STX8: variants seen among roughly 807,000 people sequenced by gnomAD.
STX8 encodes the protein syntaxin 8.
In STX8, 23 loss-of-function variants were observed where a neutral mutation model predicts 37.5. That is an observed-to-expected ratio of 0.61 (90% CI 0.44 to 0.87). STX8 has a LOEUF of 0.87. Among genes scored for constraint, STX8 ranks in the 40% least tolerant of loss-of-function variants. The probability of loss-of-function intolerance (pLI) is 0.00; values close to 1 mark genes in which losing one functional copy is unlikely to be tolerated. For synonymous variants in STX8, 115 were observed against 99.1 expected, an observed-to-expected ratio of 1.16 and a Z score of -0.95; for missense variants, 313 against 284.7, an observed-to-expected ratio of 1.10 and a Z score of -0.71.
chr17:9,567,794 C>A (rs1052756352), intron 2 of STX8, among the ~76,000 whole-genome samples: 1 of 152,192 alleles, frequency 6.6e-6, no homozygotes. Context: ...TCAAGCAATT[C>A]TCCTGCCTCA....
chr17:9,381,246 GT>G (rs11421158), intron 6 of STX8, among the ~76,000 whole-genome samples: 133 of 142,952 alleles, frequency 9.3e-4, no homozygotes, highest in African/African-American at 1.6e-3. Context: ...TTTTCATTTT[GT>G]TTTTTTTTTT....
intron 7 of STX8, among the ~76,000 whole-genome samples, chr17:9,373,280 C>CA (rs1210117654): frequency 2.6e-5 from 4 of 151,894 alleles, no homozygotes; most frequent in African/African-American, 7.3e-5. Flanking sequence ...TATATATACA[C>CA]AAAAAAGGAA....
chr17:9,386,852 A>ATTTCTTTTTC, intron 6 of STX8, among the ~76,000 whole-genome samples: 1 of 152,092 alleles, frequency 6.6e-6, no homozygotes, highest in African/African-American at 2.4e-5. Context: ...TACCTTAGGT[A>ATTTCTTTTTC]TTTCTTTTTC....
At chr17:9,391,118 A>T (rs988716994) in intron 6 of STX8, among the ~76,000 whole-genome samples, 1 of 152,166 alleles carries the variant, frequency 6.6e-6, no homozygotes, top group African/African-American at 2.4e-5. Context: ...AACAGATGCC[A>T]AAGTATATAG....
At chr17:9,340,935 G>A (rs1349304218) in intron 7 of STX8, among the ~76,000 whole-genome samples, 1 of 149,236 alleles carries the variant, frequency 6.7e-6, no homozygotes, top group African/African-American at 2.4e-5. Context: ...GGGATTACAG[G>A]CGTGGGCCAC....
At position 9,385,780 on chromosome 17, in the gene STX8, G is replaced by GT. The variant is rs1911979449; in HGVS notation, c.542-7128dup. Among the ~76,000 whole-genome samples, 3 of 151,932 alleles carry GT rather than the reference G, an allele frequency of 2.0e-5. No homozygotes were observed. The South Asian group carries it at 6.2e-4, about 31-fold the overall frequency. ...TTTACTCCTAGGTTTTTTGTTTTTT[G>GT]TTTTTTGAGGTGGCATCTTGCTCTA... On this transcript the variant is annotated intron_variant, in intron 6 of 7. Coordinates refer to ENST00000306357, the MANE Select transcript of STX8 (RefSeq NM_004853.3).
At position 9,479,087 on chromosome 17, in the gene STX8, A is replaced by G. The variant is rs965712223; in HGVS notation, c.541+12742T>C. Among the ~76,000 whole-genome samples, 3 of 152,168 alleles carry G rather than the reference A, an allele frequency of 2.0e-5. No individual in the cohort carries two copies. The South Asian group carries it at 6.2e-4, about 32-fold the overall frequency. On this transcript the variant is annotated intron_variant, in intron 6 of 7. Coordinates refer to ENST00000306357, the MANE Select transcript of STX8 (RefSeq NM_004853.3). ...TCACTATCTAGGGGACCAGTCACAC[A>G]TGCAGCTGGTACTTGGTAAACACCT...
At chr17:9,339,640 C>T (rs1000878232) in intron 7 of STX8, among the ~76,000 whole-genome samples, 8 of 151,902 alleles carry the variant, frequency 5.3e-5, no homozygotes, top group East Asian at 3.9e-4. Flanking sequence ...CCAGCCTGGG[C>T]GACAGAGTGA....
chr17:9,452,628 G>C (rs1905077662), intron 6 of STX8: 1 of 152,148 alleles, frequency 6.6e-6, no homozygotes, highest in Non-Finnish European at 1.5e-5. Context: ...GTGTGACAAA[G>C]CAGAACAGCT....
At chr17:9,335,600 G>T (rs1910108862) in intron 7 of STX8, among the ~76,000 whole-genome samples, 1 of 118,814 alleles carries the variant, frequency 8.4e-6, no homozygotes, top group Non-Finnish European at 1.8e-5. Flanking sequence ...TAGTAGTCAT[G>T]ATTTGTAGGA....
At chr17:9,332,115 G>A (rs1332826128) in intron 7 of STX8, among the ~76,000 whole-genome samples, 3 of 152,170 alleles carry the variant, frequency 2.0e-5, no homozygotes, top group Non-Finnish European at 2.9e-5. Context: ...CTTCAGTCCT[G>A]ACTGCTGGAC....
chr17:9,270,070 C>A (rs1025805611), intron 7 of STX8, among the ~76,000 whole-genome samples: 3 of 152,214 alleles, frequency 2.0e-5, no homozygotes, highest in African/African-American at 7.2e-5. Flanking sequence ...GGTTAAATAA[C>A]AGGCCGTGTG....
At chr17:9,405,447 GA>G (rs1213240381) in intron 6 of STX8, among the ~76,000 whole-genome samples, 1 of 152,156 alleles carries the variant, frequency 6.6e-6, no homozygotes, top group African/African-American at 2.4e-5. Context: ...AAGCATCAAT[GA>G]AATCGATCTG....
intron 6 of STX8, among the ~76,000 whole-genome samples, chr17:9,391,225 T>A (rs12103511): frequency 2.0e-5 from 3 of 151,726 alleles, no homozygotes; most frequent in African/African-American, 4.9e-5. Context: ...TGGTAGAGGC[T>A]GGTGGATCAC....
chr17:9,329,292 T>C (rs2096203715), intron 7 of STX8, among the ~76,000 whole-genome samples: 1 of 152,184 alleles, frequency 6.6e-6, no homozygotes, highest in South Asian at 2.1e-4. Flanking sequence ...TTTATAGGCA[T>C]GTTCAATCAA....
At chr17:9,279,212 C>T (rs1248725554) in intron 7 of STX8, among the ~76,000 whole-genome samples, 1 of 152,064 alleles carries the variant, frequency 6.6e-6, no homozygotes, top group East Asian at 1.9e-4. Flanking sequence ...CACCCGCCAC[C>T]ACGCCTGGCT....
chr17:9,445,944 TC>T (rs1904836550), intron 6 of STX8, among the ~76,000 whole-genome samples: 1 of 151,568 alleles, frequency 6.6e-6, no homozygotes, highest in Non-Finnish European at 1.5e-5. Flanking sequence ...TTCACGCCAT[TC>T]CCGACTCGGC....
intron 7 of STX8, among the ~76,000 whole-genome samples, chr17:9,336,824 C>T (rs1421407908): frequency 6.6e-6 from 1 of 152,162 alleles, no homozygotes; most frequent in Admixed American, 6.5e-5. Context: ...TTGATATTTA[C>T]TCACCAAGGT....
intron 5 of STX8, among the ~76,000 whole-genome samples, chr17:9,494,319 T>C (rs1296665712): frequency 6.8e-6 from 1 of 147,600 alleles, no homozygotes; most frequent in East Asian, 2.2e-4. Flanking sequence ...CCGGCCCCCA[T>C]GATATGTTCT....
Sources: gnomAD v4.1 joint callset for allele counts (sites outside exome capture counted in the v4.1 genomes callset) on GRCh38, gnomAD v4.1.1 for gene constraint, MANE v1.5 for transcripts, NCBI Gene and HGNC (gene_info 2026-07-23, HGNC 2026-07-21) for gene names.